RAD51B: variants seen among roughly 807,000 people sequenced by gnomAD.
RAD51B encodes DNA repair protein RAD51 homolog 2.
In RAD51B, 38 loss-of-function variants were observed where a neutral mutation model predicts 42.2. That is an observed-to-expected ratio of 0.90 (90% CI 0.70 to 1.18). The LOEUF is 1.18. RAD51B is among the 50% of genes most tolerant of loss of function. RAD51B has a pLI of 0.00. For missense variants in RAD51B, 373 were observed against 400.7 expected, an observed-to-expected ratio of 0.93 and a Z score of 0.59; for synonymous variants, 154 against 145.2, an observed-to-expected ratio of 1.06 and a Z score of -0.43.
intron 8 of RAD51B, among the ~76,000 whole-genome samples, chr14:68,382,967 T>C (rs1364947541): frequency 6.6e-6 from 1 of 152,334 alleles, no homozygotes; most frequent in South Asian, 2.1e-4. Context: ...ACACATGGCC[T>C]TATTTATGTT....
chr14:67,991,883 T>A (rs746162989), intron 7 of RAD51B, among the ~76,000 whole-genome samples: 10 of 152,100 alleles, frequency 6.6e-5, no homozygotes, highest in Non-Finnish European at 1.5e-4. Context: ...TAAAATTTAC[T>A]GAGAACAAGT....
At chr14:68,214,242 A>G (rs904686585) in intron 7 of RAD51B, among the ~76,000 whole-genome samples, 4 of 152,216 alleles carry the variant, frequency 2.6e-5, no homozygotes, top group African/African-American at 7.2e-5. Flanking sequence ...CTGCACAAAA[A>G]TTCTTTTTGG....
intron 10 of RAD51B, among the ~76,000 whole-genome samples, chr14:68,578,322 A>G (rs941425332): frequency 6.6e-6 from 1 of 152,154 alleles, no homozygotes; most frequent in African/African-American, 2.4e-5. Context: ...GAGGCAAGAG[A>G]ATCGCTTGAA....
chr14:68,648,036 T>TATATATATATATATATACAC lies in RAD51B; in HGVS notation c.1037-2744_1037-2743insTATATATATATATATACACA, dbSNP rs375269798. On this transcript the variant is annotated intron_variant, in intron 10 of 11. Transcript: ENST00000488612. ...ATATATATATACGTATATATATATA[T>TATATATATATATATATACAC]ACACACGTATATAGATGTGTGTGTG... Among the ~76,000 whole-genome samples, 8 of 114,008 alleles carry TATATATATATATATATACAC rather than the reference T, an allele frequency of 7.0e-5. No homozygotes were observed. The South Asian group carries it at 2.3e-3, about 32-fold the overall frequency. The allele number at this position is 114,008 out of a possible 152,430, so 74.8% of individuals were successfully genotyped here.
chr14:68,682,243 C>T (rs1458498349), intron 11 of RAD51B, among the ~76,000 whole-genome samples: 1 of 152,134 alleles, frequency 6.6e-6, no homozygotes, highest in Non-Finnish European at 1.5e-5. Flanking sequence ...AAGTCTGGTG[C>T]CCTATCTACA....
chr14:68,468,364 C>A, intron 10 of RAD51B, 114 bp downstream of exon 10: 2 of 1,114,746 alleles, frequency 1.8e-6, no homozygotes, highest in Non-Finnish European at 2.7e-6. Context: ...AATCAAAAAC[C>A]AAGATGCATT....
At chr14:68,505,880 A>C (rs542480128) in intron 10 of RAD51B, among the ~76,000 whole-genome samples, 2 of 152,298 alleles carry the variant, frequency 1.3e-5, no homozygotes, top group East Asian at 3.9e-4. Context: ...TGTCAGTGCA[A>C]AGACAGTATC....
chr14:68,275,014 G>T (rs117739695), intron 7 of RAD51B, among the ~76,000 whole-genome samples: 19 of 152,320 alleles, frequency 1.2e-4, no homozygotes, highest in Non-Finnish European at 2.8e-4. Context: ...AGTGGTTCGG[G>T]ATAGTGGCAG....
At chr14:67,887,390 G>A (rs2043095220) in intron 7 of RAD51B, 186 bp downstream of exon 7, 1 of 453,092 alleles carries the variant, frequency 2.2e-6, no homozygotes, top group Admixed American at 3.9e-5. Flanking sequence ...CATCTGCTGA[G>A]ATTATTTTAT....
At chr14:68,268,632 C>T (rs1252186749) in intron 7 of RAD51B, among the ~76,000 whole-genome samples, 1 of 152,202 alleles carries the variant, frequency 6.6e-6, no homozygotes, top group African/African-American at 2.4e-5. Flanking sequence ...GGTTTTAGCT[C>T]TATCTCTAAA....
rs1290614724 is a variant in RAD51B, at chr14:68,601,240, G to T, written c.1037-9766G>T. On this transcript the variant is annotated intron_variant, in intron 10 of 10. Transcript: ENST00000487861. ...CGTCTCACCAGTAACTTTTTTTTTGGTGGGGGGGTGGGTCCTGGCAAGAGA... is the reference window on the plus strand; with the variant it reads ...CGTCTCACCAGTAACTTTTTTTTTGTTGGGGGGGTGGGTCCTGGCAAGAGA... Among the ~76,000 whole-genome samples the T allele has an allele frequency of 3.3e-5, 5 of 151,952 alleles. No homozygotes were observed. In the East Asian group the frequency reaches 7.7e-4, roughly 23 times the overall value.
At chr14:68,550,791 A>T (rs1888514080) in intron 10 of RAD51B, among the ~76,000 whole-genome samples, 1 of 152,196 alleles carries the variant, frequency 6.6e-6, no homozygotes, top group Non-Finnish European at 1.5e-5. Flanking sequence ...TGTTCTAGAA[A>T]GGCAGGGGTG....
At chr14:67,926,749 G>A (rs535683173) in intron 7 of RAD51B, among the ~76,000 whole-genome samples, 15 of 151,678 alleles carry the variant, frequency 9.9e-5, no homozygotes, top group African/African-American at 3.6e-4. Context: ...TTTTTAGTAG[G>A]GGTGGGGTTT....
rs570336616 is a variant in RAD51B, at chr14:68,249,252, C to T, written c.757-42632C>T. ...CTAAATAAAGCAGAGCAAGTTCTGTCTTTCATGTTGTGAAGAGTATGAACT... is the reference window on the plus strand; with the variant it reads ...CTAAATAAAGCAGAGCAAGTTCTGTTTTTCATGTTGTGAAGAGTATGAACT... On this transcript the variant is annotated intron_variant, in intron 7 of 10. Coordinates refer to ENST00000471583, the MANE Select transcript of RAD51B (RefSeq NM_133510.4). Among the ~76,000 whole-genome samples the T allele has an allele frequency of 3.9e-5, 6 of 152,322 alleles. No individual in the cohort carries two copies. The South Asian group carries it at 1.2e-3, about 32-fold the overall frequency.
At chr14:68,158,203 G>T (rs2078557976) in intron 7 of RAD51B, among the ~76,000 whole-genome samples, 1 of 152,106 alleles carries the variant, frequency 6.6e-6, no homozygotes, top group Non-Finnish European at 1.5e-5. Flanking sequence ...TGAATCGGAA[G>T]GAAAATGTCT....
chr14:68,180,635 T>C (rs1364522764), intron 7 of RAD51B, among the ~76,000 whole-genome samples: 1 of 152,086 alleles, frequency 6.6e-6, no homozygotes, highest in African/African-American at 2.4e-5. Flanking sequence ...TTTGCCAAGG[T>C]CTCACAGGTA....
intron 7 of RAD51B, among the ~76,000 whole-genome samples, chr14:67,924,576 G>C (rs2044439252): frequency 6.6e-6 from 1 of 152,146 alleles, no homozygotes; most frequent in Non-Finnish European, 1.5e-5. Context: ...AATGGCAGCA[G>C]GCAAAGACTT....
intron 10 of RAD51B, chr14:68,562,058 T>G (rs1215883157): frequency 1.0e-6 from 1 of 985,398 alleles, no homozygotes; most frequent in East Asian, 1.1e-4. Context: ...TTAGACCACA[T>G]GAATAATTTG....
At chr14:68,173,532 C>G (rs2078911594) in intron 7 of RAD51B, among the ~76,000 whole-genome samples, 2 of 152,286 alleles carry the variant, frequency 1.3e-5, no homozygotes, top group African/African-American at 2.4e-5. Context: ...AGTGACTATT[C>G]ATTGATTTGG....
Sources: allele counts gnomAD v4.1 joint callset (sites outside exome capture counted in the v4.1 genomes callset), GRCh38; gene constraint gnomAD v4.1.1; transcripts MANE v1.5; gene names NCBI Gene and HGNC (gene_info 2026-07-23, HGNC 2026-07-21).